LYZL4: variants seen among roughly 807,000 people sequenced by gnomAD.
The protein encoded by LYZL4 is lysozyme like 4, also known as lysozyme-like protein 4.
A neutral mutation model predicts 17.6 loss-of-function variants in LYZL4; 13 were observed. That is an observed-to-expected ratio of 0.74 (90% CI 0.48 to 1.18). The LOEUF is 1.18. Among genes scored for constraint, LYZL4 ranks in the 50% most tolerant of loss-of-function variants. LYZL4 has a pLI of 0.00. For synonymous variants in LYZL4, 64 were observed against 67.7 expected, an observed-to-expected ratio of 0.95 and a Z score of 0.27; for missense variants, 174 against 188.2, an observed-to-expected ratio of 0.92 and a Z score of 0.44.
chr3:42,365,049 T>C, the LYZL4 span, among the ~76,000 whole-genome samples: 1 of 152,186 alleles, frequency 6.6e-6, no homozygotes, highest in Admixed American at 6.5e-5. Flanking sequence ...ATCTTCAACA[T>C]GTCAGTGTCA....
At chr3:42,407,383 A>G (rs1360852174) in intron 1 of LYZL4, 40 bp from the exon 2 acceptor site, 5 of 1,200,348 alleles carry the variant, frequency 4.2e-6, no homozygotes, top group Admixed American at 5.1e-5. Context: ...GTGTCATCAG[A>G]AAAATGGGAG....
chr3:42,389,815 A>G, the LYZL4 span, among the ~76,000 whole-genome samples: 2 of 152,166 alleles, frequency 1.3e-5, no homozygotes, highest in African/African-American at 4.8e-5. Flanking sequence ...ATAGGAATCC[A>G]TAAGCGGGAT....
chr3:42,370,815 A>G, the LYZL4 span, among the ~76,000 whole-genome samples: 7 of 152,338 alleles, frequency 4.6e-5, no homozygotes, highest in East Asian at 1.2e-3. Flanking sequence ...TGCAACTCAG[A>G]ATGCTGACTG....
chr3:42,366,333 A>C, the LYZL4 span, among the ~76,000 whole-genome samples: 141 of 152,278 alleles, frequency 9.3e-4, 1 homozygote, highest in Non-Finnish European at 6.6e-4. Flanking sequence ...TTGCCAGAAC[A>C]CGGGGAGTAG....
In LYZL4 at chr3:42,397,261, G is replaced by A. The variant is rs1436185049; in HGVS notation, c.*4C>T. On this transcript the variant is annotated 3_prime_UTR_variant, in exon 5 of 5. Coordinates refer to ENST00000287748, the MANE Select transcript of LYZL4 (RefSeq NM_144634.4). ...GGTGAGTGCTGCAGGGGCCATGCAG[G>A]TGGCTACAGCTTGCAACCATCCAGC... The A allele has an allele frequency of 6.4e-7, 1 of 1,558,572 alleles. No individual in the cohort carries two copies. Among genetic ancestry groups the A allele is most frequent in the South Asian group, 1.2e-5 (1 of 84,380 alleles).
chr3:42,369,796 C>A, the LYZL4 span, among the ~76,000 whole-genome samples: 5 of 152,186 alleles, frequency 3.3e-5, no homozygotes, highest in African/African-American at 1.2e-4. Context: ...GGACCCTGGT[C>A]AGTTCTGGGG....
the LYZL4 span, among the ~76,000 whole-genome samples, chr3:42,361,357 G>C: frequency 1.3e-5 from 2 of 152,104 alleles, no homozygotes; most frequent in African/African-American, 4.8e-5. Context: ...ATACAGTGGT[G>C]TCTTCTATGG....
At chr3:42,393,905 C>T (rs1425439448), downstream of LYZL4, among the ~76,000 whole-genome samples, 1 of 152,190 alleles carries the variant, frequency 6.6e-6, no homozygotes, top group Non-Finnish European at 1.5e-5. Context: ...GATTCTCATG[C>T]TTCAGCCTCA....
In LYZL4 at chr3:42,406,676, G is replaced by C. The variant is rs149371883; in HGVS notation, c.292+170C>G. 4.0e-3 allele frequency among the ~76,000 whole-genome samples: 605 copies of C among 152,114 alleles called. 1 individual carries two copies. The highest frequency in any genetic ancestry group is 0.017 in the Middle Eastern group (5 of 292). On this transcript the variant is annotated intron_variant, in intron 3 of 4. Coordinates refer to ENST00000287748, the MANE Select transcript of LYZL4 (RefSeq NM_144634.4). ...TGACTCCCCACAGCCTGATCTCACT[G>C]TACCCCCAGCAGTGCAATGCTCAGC...
chr3:42,399,817 G>A (rs1698622710), intron 4 of LYZL4, among the ~76,000 whole-genome samples: 1 of 152,082 alleles, frequency 6.6e-6, no homozygotes, highest in Non-Finnish European at 1.5e-5. Flanking sequence ...CACATAGGGG[G>A]TTTCCATTAT....
At chr3:42,367,219 A>T in the LYZL4 span, among the ~76,000 whole-genome samples, 1 of 152,170 alleles carries the variant, frequency 6.6e-6, no homozygotes, top group Non-Finnish European at 1.5e-5. Flanking sequence ...CTGACCCCCT[A>T]CCAGGATCCC....
At chr3:42,377,736 T>C in the LYZL4 span, among the ~76,000 whole-genome samples, 2 of 151,922 alleles carry the variant, frequency 1.3e-5, no homozygotes, top group Non-Finnish European at 2.9e-5. Flanking sequence ...CTGGGCCTGA[T>C]ATTTTTCACC....
At chr3:42,402,692 T>C (rs747043077) in intron 4 of LYZL4, among the ~76,000 whole-genome samples, 22 of 152,244 alleles carry the variant, frequency 1.4e-4, no homozygotes, top group Admixed American at 2.6e-4. Flanking sequence ...AAAATCTCTT[T>C]AGAAAACTGT....
At chr3:42,405,534 G>C (rs1006409928) in intron 3 of LYZL4, among the ~76,000 whole-genome samples, 1 of 152,154 alleles carries the variant, frequency 6.6e-6, no homozygotes, top group African/African-American at 2.4e-5. Flanking sequence ...ACATGAGAAG[G>C]CTGCAGGCCT....
the LYZL4 span, among the ~76,000 whole-genome samples, chr3:42,371,585 A>G: frequency 6.6e-6 from 1 of 152,234 alleles, no homozygotes; most frequent in Non-Finnish European, 1.5e-5. Flanking sequence ...GACAACTGCC[A>G]AGACCTGGGT....
the LYZL4 span, among the ~76,000 whole-genome samples, chr3:42,368,396 A>C: frequency 6.6e-6 from 1 of 152,208 alleles, no homozygotes; most frequent in South Asian, 2.1e-4. Context: ...TAAAGTTTCC[A>C]TGGGCTGAGA....
rs59352292 is a variant in LYZL4 at position 42,400,024 on chromosome 3, GAAAACAAAAC to G, written c.372-2700_372-2691del. 4.1e-3 allele frequency among the ~76,000 whole-genome samples: 620 copies of G among 151,170 alleles called. 1 individual carries two copies. Among genetic ancestry groups the G allele is most frequent in the Middle Eastern group, 0.02 (6 of 294 alleles). Reference sequence around the variant, plus strand: ...AGTTCCAAAATACCTTGAAGACACAGAAAACAAAACAAAACAAAACAAAAAAAGCAACAAC... The same window carrying G: ...AGTTCCAAAATACCTTGAAGACACAGAAAACAAAACAAAAAAAGCAACAAC... On this transcript the variant is annotated intron_variant, in intron 4 of 4. Transcript: ENST00000287748.
chr3:42,387,074 T>G, the LYZL4 span, among the ~76,000 whole-genome samples: 2 of 152,350 alleles, frequency 1.3e-5, no homozygotes, highest in South Asian at 4.1e-4. Context: ...CCCACTTTAC[T>G]TTTACTCCAT....
At chr3:42,408,817 A>G (rs1481089016) in intron 1 of LYZL4, among the ~76,000 whole-genome samples, 2 of 152,112 alleles carry the variant, frequency 1.3e-5, no homozygotes, top group Non-Finnish European at 2.9e-5. Context: ...TAGTTCTGGG[A>G]ACATCCTGTG....
Sources: allele counts gnomAD v4.1 joint callset (sites outside exome capture counted in the v4.1 genomes callset), GRCh38; gene constraint gnomAD v4.1.1; transcripts MANE v1.5; gene names NCBI Gene and HGNC (gene_info 2026-07-23, HGNC 2026-07-21).